The following DMD variants were observed in gnomAD, a reference collection of about 807,000 sequenced individuals.
DMD encodes the protein mutant dystrophin.
DMD carries 63 observed loss-of-function variants against 330.1 expected under a neutral mutation model. That is an observed-to-expected ratio of 0.19 (90% CI 0.16 to 0.24). The LOEUF (loss-of-function observed/expected upper bound fraction) is 0.24, where lower values mean the gene tolerates loss of function less well. Ranked by LOEUF, DMD falls within the 10% of genes least tolerant of loss-of-function variation. The pLI is 1.00. For synonymous variants in DMD, 1,223 were observed against 959.8 expected (o/e 1.27, Z -5.07); for missense variants, 3,344 against 2,684.1 (o/e 1.25, Z -5.43).
chrX:31,530,153 C>T (rs1057443412), intron 55 of DMD, among the ~76,000 whole-genome samples: 2 of 111,663 alleles, frequency 1.8e-5, no homozygotes, highest in East Asian at 2.8e-4. Flanking sequence ...CCATACTAAC[C>T]AAAAATTTCT....
At chrX:31,622,300 CACACACACACACACACACAAAT>C (rs2078576568) in intron 55 of DMD, among the ~76,000 whole-genome samples, 1 of 108,600 alleles carries the variant, frequency 9.2e-6, no homozygotes, top group Non-Finnish European at 1.9e-5. Flanking sequence ...CACCGACAGA[CACACACACACACACACACAAAT>C]ACACACACAC....
At chrX:32,675,841 T>C (rs2061931916) in intron 9 of DMD, among the ~76,000 whole-genome samples, 1 of 112,135 alleles carries the variant, frequency 8.9e-6, no homozygotes, top group Non-Finnish European at 1.9e-5. Flanking sequence ...GAAAAGTGTT[T>C]ACAGCAATGT....
chrX:32,550,205 C>A (rs761262806), intron 16 of DMD, among the ~76,000 whole-genome samples: 43 of 111,305 alleles, frequency 3.9e-4, no homozygotes, highest in Non-Finnish European at 5.5e-4. Context: ...TCGAAAGGTA[C>A]AATAAAAATA....
intron 44 of DMD, among the ~76,000 whole-genome samples, chrX:32,089,307 CA>C (rs2096460690): frequency 9.0e-6 from 1 of 111,495 alleles, no homozygotes; most frequent in East Asian, 2.8e-4. Flanking sequence ...AAATTAGGTT[CA>C]GGGGTACACG....
chrX:32,197,674 C>T lies in DMD; in HGVS notation c.6438+19242G>A, dbSNP rs189859537. On this transcript the variant is annotated intron_variant, in intron 44 of 78. Coordinates refer to ENST00000357033, the MANE Select transcript of DMD (RefSeq NM_004006.3). ...TCATATGAAAAGTGGATGTTCTTCA[C>T]ATTTTATTTATTTCAAATAATTTAC... 6.1e-3 allele frequency among the ~76,000 whole-genome samples: 683 copies of T among 111,663 alleles called. 2 individuals carry two copies. Among genetic ancestry groups the T allele is most frequent in the African/African-American group, 0.021 (638 of 30,766 alleles).
chrX:31,199,384 G>A (rs1987681171), intron 67 of DMD, among the ~76,000 whole-genome samples: 1 of 112,456 alleles, frequency 8.9e-6, no homozygotes, highest in African/African-American at 3.2e-5. Flanking sequence ...GCCTCATTTA[G>A]TATCTACGAA....
chrX:32,747,633 T>A (rs1001620408), intron 7 of DMD, among the ~76,000 whole-genome samples: 2 of 109,125 alleles, frequency 1.8e-5, no homozygotes, highest in Non-Finnish European at 3.8e-5. Flanking sequence ...GACTACAGGT[T>A]TGCACTACCA....
At chrX:32,204,623 A>C (rs2097055611) in intron 44 of DMD, among the ~76,000 whole-genome samples, 1 of 111,252 alleles carries the variant, frequency 9.0e-6, no homozygotes, top group Non-Finnish European at 1.9e-5. Flanking sequence ...CCCTTCTTGC[A>C]TTGCTATAAA....
At chrX:31,302,460 CTATATTTCAG>C (rs1335393800) in intron 62 of DMD, among the ~76,000 whole-genome samples, 10 of 110,975 alleles carry the variant, frequency 9.0e-5, no homozygotes, top group South Asian at 7.6e-4. Context: ...GTTTCCAGCT[CTATATTTCAG>C]TATATTTCAG....
At chrX:31,614,629 T>C (rs937724808) in intron 55 of DMD, among the ~76,000 whole-genome samples, 2 of 111,951 alleles carry the variant, frequency 1.8e-5, no homozygotes, top group Non-Finnish European at 3.8e-5. Context: ...ATGATTTATG[T>C]CTCTTACATT....
At chrX:31,828,328 G>A (rs1283629878) in intron 49 of DMD, among the ~76,000 whole-genome samples, 2 of 111,358 alleles carry the variant, frequency 1.8e-5, no homozygotes, top group Non-Finnish European at 3.8e-5. Context: ...TACATTCCTG[G>A]AAACACACAA....
chrX:31,657,922 T>A, intron 54 of DMD, 68 bp downstream of exon 54: 1 of 1,104,377 alleles, frequency 9.1e-7, no homozygotes, highest in Non-Finnish European at 1.3e-6. Flanking sequence ...CAAATCCTCA[T>A]GGTCCATCCA....
intron 59 of DMD, among the ~76,000 whole-genome samples, chrX:31,471,495 C>T (rs2067301857): frequency 8.9e-6 from 1 of 111,893 alleles, no homozygotes. Context: ...CTAACCAGTC[C>T]CAGTGAGATG....
intron 1 of DMD, among the ~76,000 whole-genome samples, chrX:33,088,924 G>A (rs1427410157): frequency 9.0e-6 from 1 of 110,860 alleles, no homozygotes; most frequent in East Asian, 2.8e-4. Context: ...GATGAAACAG[G>A]ATAGTAAAAT....
intron 60 of DMD, among the ~76,000 whole-genome samples, chrX:31,403,905 G>A (rs1271304274): frequency 9.0e-6 from 1 of 111,458 alleles, no homozygotes; most frequent in Non-Finnish European, 1.9e-5. Context: ...TTAGGGAGTG[G>A]GGACTAGTTA....
At chrX:32,477,645 A>G (rs933007183) in intron 21 of DMD, among the ~76,000 whole-genome samples, 15 of 111,265 alleles carry the variant, frequency 1.3e-4, no homozygotes, top group Non-Finnish European at 1.9e-4. Flanking sequence ...CAAAGTAAAC[A>G]GAGAAGTATA....
At chrX:32,184,249 T>C in intron 44 of DMD, among the ~76,000 whole-genome samples, 1 of 110,578 alleles carries the variant, frequency 9.0e-6, no homozygotes. Context: ...TAACGTGCAA[T>C]TGACCAAAAC....
intron 64 of DMD, among the ~76,000 whole-genome samples, chrX:31,216,845 CTG>C (rs983387015): frequency 2.3e-4 from 26 of 111,743 alleles, no homozygotes; most frequent in Admixed American, 1.7e-3. Context: ...AGTCCAGAAA[CTG>C]TGACTATTCA....
At chrX:32,789,274 G>A (rs1224703669) in intron 7 of DMD, among the ~76,000 whole-genome samples, 1 of 112,278 alleles carries the variant, frequency 8.9e-6, no homozygotes. Context: ...TTAGCAATAA[G>A]CAGTACTCCA....
Sources: gnomAD v4.1 joint callset for allele counts (sites outside exome capture counted in the v4.1 genomes callset) on GRCh38, gnomAD v4.1.1 for gene constraint, MANE v1.5 for transcripts, NCBI Gene and HGNC (gene_info 2026-07-23, HGNC 2026-07-21) for gene names.